Variants in TXNDC16 observed in about 807,000 individuals in gnomAD.
TXNDC16 encodes thioredoxin domain containing 16.
Under a neutral mutation model 85.6 loss-of-function variants are expected in TXNDC16, and 74 were observed. The ratio of observed to expected loss-of-function variants is 0.86; its 90% confidence interval spans 0.72 to 1.05. The LOEUF is 1.05. Among genes scored for constraint, TXNDC16 ranks in the 50% least tolerant of loss-of-function variants. The pLI, the probability that TXNDC16 is intolerant of heterozygous loss-of-function variation, is 0.00. For synonymous variants in TXNDC16, 335 were observed against 326.5 expected (o/e 1.03, Z -0.28); for missense variants, 959 against 947.0 (o/e 1.01, Z -0.17).
intron 20 of TXNDC16, among the ~76,000 whole-genome samples, chr14:52,436,702 ATAAAT>A (rs1408929938): frequency 4.6e-5 from 7 of 152,204 alleles, no homozygotes; most frequent in African/African-American, 1.4e-4. Context: ...TGACCCTAAA[ATAAAT>A]TAAAGTAGCT....
intron 2 of TXNDC16, among the ~76,000 whole-genome samples, chr14:52,543,896 G>T (rs1327497564): frequency 6.6e-6 from 1 of 151,770 alleles, no homozygotes; most frequent in African/African-American, 2.4e-5. Context: ...CATTTTAAAG[G>T]GTTCTAAAAT....
chr14:52,436,211 C>T (rs1468439885), intron 20 of TXNDC16, among the ~76,000 whole-genome samples: 1 of 152,088 alleles, frequency 6.6e-6, no homozygotes, highest in Non-Finnish European at 1.5e-5. Context: ...TGTGACATAT[C>T]CTTGCAGTGG....
Position 52,432,221 on chromosome 14 carries a change from T to C in TXNDC16, c.*83A>G. The stretch of plus-strand genomic sequence containing the variant: ...ATTGGATGGCACTAGTCTGCAAACT[T>C]GAAATGATTTAATATTATTCTTTAA... On this transcript the variant is annotated 3_prime_UTR_variant, in exon 21 of 21. Transcript: ENST00000281741. The C allele has an allele frequency of 7.7e-7, 1 of 1,298,340 alleles. No individual in the cohort carries two copies. Among genetic ancestry groups the C allele is most frequent in the Non-Finnish European group, 1.0e-6 (1 of 961,224 alleles). The allele number at this position is 1,298,340 out of a possible 1,614,324, so 80.4% of individuals were successfully genotyped here. A position where few individuals can be genotyped will look rare whatever the true frequency, so the allele number is the denominator to read the frequency against.
At chr14:52,534,481 T>C (rs1234057220) in intron 6 of TXNDC16, among the ~76,000 whole-genome samples, 1 of 152,234 alleles carries the variant, frequency 6.6e-6, no homozygotes, top group African/African-American at 2.4e-5. Flanking sequence ...TCTTCCGATG[T>C]GGCCCAGGTA....
intron 9 of TXNDC16, among the ~76,000 whole-genome samples, chr14:52,493,216 T>TATATATATATATACACACACACACACAC: frequency 1.7e-5 from 2 of 115,994 alleles, no homozygotes; most frequent in South Asian, 2.6e-4. Context: ...TATATATATA[T>TATATATATATATACACACACACACACAC]ACACACACAC....
chr14:52,459,647 T>C (rs1397503248), intron 16 of TXNDC16, among the ~76,000 whole-genome samples: 1 of 152,204 alleles, frequency 6.6e-6, no homozygotes, highest in African/African-American at 2.4e-5. Flanking sequence ...CCAGTATTCC[T>C]GATCAACATT....
chr14:52,518,705 C>G (rs533304557), intron 7 of TXNDC16, among the ~76,000 whole-genome samples: 2 of 151,806 alleles, frequency 1.3e-5, no homozygotes, highest in African/African-American at 4.8e-5. Flanking sequence ...TTACTGAATA[C>G]TGGAAACTAC....
chr14:52,529,811 C>A (rs1221691742), intron 6 of TXNDC16, among the ~76,000 whole-genome samples: 1 of 106,092 alleles, frequency 9.4e-6, no homozygotes. Context: ...TATATGACAC[C>A]TATTATATAT....
intron 9 of TXNDC16, among the ~76,000 whole-genome samples, chr14:52,505,913 T>C (rs1416640383): frequency 6.6e-6 from 1 of 151,974 alleles, no homozygotes; most frequent in Non-Finnish European, 1.5e-5. Context: ...CCCACAGAAA[T>C]AAAAACTACC....
At chr14:52,470,458 G>T (rs988501984) in intron 15 of TXNDC16, 54 bp downstream of exon 15, 2 of 1,536,944 alleles carry the variant, frequency 1.3e-6, no homozygotes, top group Non-Finnish European at 1.7e-6. Flanking sequence ...CTGAGAATTA[G>T]AACTTCTAAA....
chr14:52,551,886 C>T (rs761947061), intron 1 of TXNDC16, among the ~76,000 whole-genome samples: 2 of 152,200 alleles, frequency 1.3e-5, no homozygotes, highest in Non-Finnish European at 2.9e-5. Context: ...AAGTCTGTTT[C>T]TGCCTTTTTC....
chr14:52,511,251 C>A lies in TXNDC16; in HGVS notation c.745G>T (p.Ala249Ser). 6.4e-7 allele frequency: 1 copy of A among 1,569,882 alleles called. No individual in the cohort carries two copies. The highest frequency in any genetic ancestry group is 8.7e-7 in the Non-Finnish European group (1 of 1,154,206). ...NIHLFIKTMKAPLLTEVAEDP... is the reference protein window; with the variant it reads ...NIHLFIKTMKSPLLTEVAEDP... ...AATAAGACACATACCAACAGAGGTG[C>A]TTTCATTGTCTTAATAAACAGGTGA... is the stretch of plus-strand genomic sequence containing the variant. Residue 249 changes from alanine to serine, a missense_variant, in exon 9 of 21, where the codon GCA becomes TCA. Ala to Ser is a moderately conservative substitution (Grantham distance 99). Transcript: ENST00000281741.
intron 6 of TXNDC16, among the ~76,000 whole-genome samples, chr14:52,530,384 ATAATATTATAATATAATATATAAT>A: frequency 4.4e-5 from 1 of 22,768 alleles, no homozygotes; most frequent in African/African-American, 2.6e-4. Flanking sequence ...AATATTATAT[ATAATATTATAATATAATATATAAT>A]TATTATATAA....
chr14:52,489,324 A>C (rs1374644764), intron 11 of TXNDC16, among the ~76,000 whole-genome samples: 1 of 152,182 alleles, frequency 6.6e-6, no homozygotes, highest in Non-Finnish European at 1.5e-5. Flanking sequence ...AAAAAATATT[A>C]CTTAAGATTT....
At chr14:52,480,905 C>A (rs1017062993) in intron 14 of TXNDC16, among the ~76,000 whole-genome samples, 2 of 149,240 alleles carry the variant, frequency 1.3e-5, no homozygotes, top group Non-Finnish European at 3.0e-5. Context: ...TGGAACCAAC[C>A]CAAATGCTCA....
At chr14:52,549,385 G>A (rs1566593991) in intron 1 of TXNDC16, among the ~76,000 whole-genome samples, 1 of 152,212 alleles carries the variant, frequency 6.6e-6, no homozygotes, top group Non-Finnish European at 1.5e-5. Context: ...AAGGGCTAAA[G>A]CGTGCACATA....
At chr14:52,467,737 C>T (rs2140128983) in intron 16 of TXNDC16, among the ~76,000 whole-genome samples, 1 of 152,294 alleles carries the variant, frequency 6.6e-6, no homozygotes, top group African/African-American at 2.4e-5. Flanking sequence ...CCAGCAATTC[C>T]ACTTCTCAGT....
intron 7 of TXNDC16, among the ~76,000 whole-genome samples, 166 bp downstream of exon 7, chr14:52,519,006 C>T (rs893506560): frequency 6.6e-6 from 1 of 152,068 alleles, no homozygotes; most frequent in African/African-American, 2.4e-5. Flanking sequence ...TCTTATTCAA[C>T]CACTGTATTA....
chr14:52,464,328 T>C (rs2035722186), intron 16 of TXNDC16, among the ~76,000 whole-genome samples: 1 of 152,244 alleles, frequency 6.6e-6, no homozygotes, highest in Non-Finnish European at 1.5e-5. Flanking sequence ...CTAAGTTTTA[T>C]GACAAACGAC....
Sources: gnomAD v4.1 joint callset for allele counts (sites outside exome capture counted in the v4.1 genomes callset) on GRCh38, gnomAD v4.1.1 for gene constraint, MANE v1.5 for transcripts, NCBI Gene and HGNC (gene_info 2026-07-23, HGNC 2026-07-21) for gene names.